The following UBTD2 variants were observed in gnomAD, a reference collection of about 807,000 sequenced individuals.
UBTD2 encodes ubiquitin domain containing 2.
UBTD2 carries 9 observed loss-of-function variants against 19.8 expected under a neutral mutation model. The ratio of observed to expected loss-of-function variants is 0.46; its 90% CI spans 0.27 to 0.79. UBTD2 has a LOEUF of 0.79. Ranked by LOEUF, UBTD2 falls within the 30% of genes least tolerant of loss-of-function variation. UBTD2 has a pLI of 0.14. For synonymous variants in UBTD2, 98 were observed against 103.9 expected (o/e 0.94, Z 0.35); for missense variants, 250 against 300.4 (o/e 0.83, Z 1.24).
intron 1 of UBTD2, among the ~76,000 whole-genome samples, chr5:172,256,295 C>G (rs1337179752): frequency 6.6e-6 from 1 of 152,038 alleles, no homozygotes; most frequent in Non-Finnish European, 1.5e-5. Flanking sequence ...CAACACCTGC[C>G]CCCAACACAC....
chr5:172,211,694 G>T lies in UBTD2; in HGVS notation c.*136C>A. 1 of 948,284 alleles carries T rather than the reference G, an allele frequency of 1.1e-6. No homozygotes were observed. The highest frequency in any genetic ancestry group is 1.4e-6 in the Non-Finnish European group (1 of 694,988). 58.7% of individuals were successfully genotyped at this position (948,284 alleles called of 1,614,324 possible). A position where few individuals can be genotyped will look rare whatever the true frequency, so the allele number is the denominator to read the frequency against. Reference sequence around the variant, plus strand: ...TCCATCACAGATGGAATTTTTCACTGGTAATTCCTCAGAACTAAATCCATT... The same window carrying T: ...TCCATCACAGATGGAATTTTTCACTTGTAATTCCTCAGAACTAAATCCATT... On this transcript the variant is annotated 3_prime_UTR_variant, in exon 3 of 3. Coordinates refer to ENST00000393792, the MANE Select transcript of UBTD2 (RefSeq NM_152277.3).
At chr5:172,254,912 T>TTCC (rs750302248) in intron 1 of UBTD2, 20 of 494,876 alleles carry the variant, frequency 4.0e-5, no homozygotes, top group East Asian at 1.3e-4. Context: ...GGAAGACCTC[T>TTCC]TCCTCCTCCT....
intron 1 of UBTD2, among the ~76,000 whole-genome samples, chr5:172,260,765 A>C (rs976863546): frequency 6.6e-6 from 1 of 152,150 alleles, no homozygotes; most frequent in African/African-American, 2.4e-5. Flanking sequence ...TATTGTTTCT[A>C]AAGTTCCTTT....
intron 2 of UBTD2, among the ~76,000 whole-genome samples, chr5:172,226,415 TC>T (rs70982377): frequency 0.095 from 14,384 of 152,162 alleles, 761 homozygotes; most frequent in South Asian, 0.16. Flanking sequence ...TTATAGTACC[TC>T]CCTTATGAGG....
Position 172,262,159 on chromosome 5 carries a change from A to C in UBTD2, c.70+21437T>G, listed in dbSNP as rs544090490. Reference sequence around the variant, plus strand: ...AGTCAAAGGGTCTTTTTAAGAATCAAGAAAATGTGGTCGGGAGCGGTGGCT... The same window carrying C: ...AGTCAAAGGGTCTTTTTAAGAATCACGAAAATGTGGTCGGGAGCGGTGGCT... On this transcript the variant is annotated intron_variant, in intron 1 of 2. Transcript: ENST00000393792. 3.9e-5 allele frequency among the ~76,000 whole-genome samples: 6 copies of C among 152,248 alleles called. No individual in the cohort carries two copies. In the South Asian group the frequency reaches 1.2e-3, roughly 32 times the overall value.
chr5:172,240,633 C>CA (rs1265436940), intron 1 of UBTD2, among the ~76,000 whole-genome samples: 4 of 152,120 alleles, frequency 2.6e-5, no homozygotes. Context: ...CTTTTCCCCC[C>CA]ACTTTTTTTT....
At chr5:172,224,051 G>C (rs988445053) in intron 2 of UBTD2, among the ~76,000 whole-genome samples, 10 of 152,110 alleles carry the variant, frequency 6.6e-5, no homozygotes, top group Admixed American at 1.3e-4. Context: ...ACTGAGAGAA[G>C]TTTCAGTGGT....
chr5:172,221,212 C>T (rs1282769250), intron 2 of UBTD2, among the ~76,000 whole-genome samples: 1 of 151,856 alleles, frequency 6.6e-6, no homozygotes, highest in African/African-American at 2.4e-5. Context: ...CAATCAAAAT[C>T]CCAGAAGGAG....
chr5:172,272,933 G>A (rs1171265424), intron 1 of UBTD2, among the ~76,000 whole-genome samples: 1 of 151,908 alleles, frequency 6.6e-6, no homozygotes, highest in Non-Finnish European at 1.5e-5. Context: ...ACAAAAATTA[G>A]CTGGGCGTAG....
intron 2 of UBTD2, among the ~76,000 whole-genome samples, chr5:172,213,115 T>A (rs1771481272): frequency 6.6e-6 from 1 of 151,912 alleles, no homozygotes; most frequent in Non-Finnish European, 1.5e-5. Flanking sequence ...CTCAGCCTCC[T>A]GAGCAGCTGG....
chr5:172,246,452 T>C (rs1754885277), intron 1 of UBTD2, among the ~76,000 whole-genome samples: 1 of 144,748 alleles, frequency 6.9e-6, no homozygotes. Flanking sequence ...TTTTTTTTTT[T>C]TTTTTTTTTT....
chr5:172,256,983 TTTTC>T lies in UBTD2; in HGVS notation c.71-22629_71-22626del, dbSNP rs374780287. Among the ~76,000 whole-genome samples, 1,282 of 152,320 alleles carry T rather than the reference TTTTC, an allele frequency of 8.4e-3. 7 individuals carry two copies. The highest frequency in any genetic ancestry group is 0.026 in the South Asian group (127 of 4,826). On this transcript the variant is annotated intron_variant, in intron 1 of 2. Coordinates refer to ENST00000393792, the MANE Select transcript of UBTD2 (RefSeq NM_152277.3). ...TTCTTCCTTCTTGATGAATTCTTTT[TTTTC>T]TTCTTCTTCCAACTTTTAGGTTCGG...
intron 1 of UBTD2, among the ~76,000 whole-genome samples, chr5:172,236,479 G>C (rs1177669348): frequency 6.6e-6 from 1 of 152,190 alleles, no homozygotes; most frequent in African/African-American, 2.4e-5. Context: ...AGACAATGCA[G>C]CTAGAGCATA....
chr5:172,237,679 T>C (rs2113897700), intron 1 of UBTD2, among the ~76,000 whole-genome samples: 1 of 152,338 alleles, frequency 6.6e-6, no homozygotes, highest in Admixed American at 6.5e-5. Flanking sequence ...AAAATTAGCA[T>C]TTAGCAAAAG....
intron 2 of UBTD2, among the ~76,000 whole-genome samples, chr5:172,232,677 T>C (rs967426686): frequency 6.6e-6 from 1 of 151,562 alleles, no homozygotes. Flanking sequence ...CTGGGCAACA[T>C]AGTGAGACCA....
chr5:172,236,190 A>T (rs2113896040), intron 1 of UBTD2, among the ~76,000 whole-genome samples: 1 of 152,326 alleles, frequency 6.6e-6, no homozygotes, highest in East Asian at 1.9e-4. Context: ...GCTGTTTTCC[A>T]CTTAAAACAC....
At chr5:172,250,657 A>C (rs1754983307) in intron 1 of UBTD2, among the ~76,000 whole-genome samples, 1 of 152,200 alleles carries the variant, frequency 6.6e-6, no homozygotes, top group Non-Finnish European at 1.5e-5. Flanking sequence ...AGGCCTATAC[A>C]GTAGATATTA....
chr5:172,243,179 G>A (rs943848927), intron 1 of UBTD2, among the ~76,000 whole-genome samples: 2 of 140,524 alleles, frequency 1.4e-5, no homozygotes, highest in African/African-American at 5.3e-5. Context: ...AACTTTTTTT[G>A]GGGAAAAATC....
intron 1 of UBTD2, among the ~76,000 whole-genome samples, chr5:172,235,918 G>A (rs1199257464): frequency 6.6e-6 from 1 of 152,160 alleles, no homozygotes; most frequent in Non-Finnish European, 1.5e-5. Context: ...GAGGGTGTGT[G>A]TCAAAATTCA....
Sources: gnomAD v4.1 joint callset for allele counts (sites outside exome capture counted in the v4.1 genomes callset) on GRCh38, gnomAD v4.1.1 for gene constraint, MANE v1.5 for transcripts, NCBI Gene and HGNC (gene_info 2026-07-23, HGNC 2026-07-21) for gene names.